MB21D2: variants seen among roughly 807,000 people sequenced by gnomAD.
MB21D2 encodes Mab-21 domain containing 2.
MB21D2 carries 9 observed loss-of-function variants against 33.3 expected under a neutral mutation model. The ratio of observed to expected loss-of-function variants is 0.27; its 90% CI spans 0.16 to 0.47. The LOEUF (loss-of-function observed/expected upper bound fraction) is 0.47. Ranked by LOEUF, MB21D2 falls within the 20% of genes least tolerant of loss-of-function variation. The pLI is 0.99. For missense variants in MB21D2, 540 were observed against 624.6 expected (o/e 0.86, Z 1.44); for synonymous variants, 241 against 236.3 (o/e 1.02, Z -0.18).
At chr3:192,851,817 T>G (rs186331230) in intron 1 of MB21D2, among the ~76,000 whole-genome samples, 1 of 152,242 alleles carries the variant, frequency 6.6e-6, no homozygotes, top group East Asian at 1.9e-4. Flanking sequence ...AAAAGGTTAT[T>G]ATTATTTATC....
intron 1 of MB21D2, among the ~76,000 whole-genome samples, chr3:192,907,412 T>C (rs1714237021): frequency 6.6e-6 from 1 of 152,130 alleles, no homozygotes; most frequent in Non-Finnish European, 1.5e-5. Context: ...GACTATAGAA[T>C]CAACCCCCTC....
chr3:192,812,532 C>T (rs1455866263), intron 1 of MB21D2, among the ~76,000 whole-genome samples: 1 of 152,088 alleles, frequency 6.6e-6, no homozygotes, highest in Non-Finnish European at 1.5e-5. Context: ...ATGAAACTGT[C>T]AGGTGATATA....
chr3:192,891,270 C>A (rs1426922267), intron 1 of MB21D2, among the ~76,000 whole-genome samples: 1 of 152,124 alleles, frequency 6.6e-6, no homozygotes, highest in African/African-American at 2.4e-5. Flanking sequence ...ACATTGAAGG[C>A]CGAAACAGGA....
chr3:192,885,054 A>T (rs1713702946), intron 1 of MB21D2, among the ~76,000 whole-genome samples: 1 of 152,096 alleles, frequency 6.6e-6, no homozygotes, highest in Non-Finnish European at 1.5e-5. Context: ...TAAGAGCAAT[A>T]AATATGACTA....
chr3:192,888,612 C>T (rs1172665385), intron 1 of MB21D2, among the ~76,000 whole-genome samples: 1 of 152,102 alleles, frequency 6.6e-6, no homozygotes, highest in Non-Finnish European at 1.5e-5. Flanking sequence ...TGAATGCCTA[C>T]AGGACAGGGA....
chr3:192,806,033 A>G (rs1301677207), intron 1 of MB21D2, among the ~76,000 whole-genome samples: 2 of 152,258 alleles, frequency 1.3e-5, no homozygotes. Flanking sequence ...GACTGCTGCT[A>G]GTCAAGGCTG....
chr3:192,798,943 T>A lies in MB21D2; in HGVS notation c.919A>T (p.Met307Leu). 1.2e-6 allele frequency: 2 copies of A among 1,613,998 alleles called. No individual in the cohort carries two copies. The highest frequency in any genetic ancestry group is 1.7e-6 in the Non-Finnish European group (2 of 1,179,944). ...QLKKCISSSLMQAYQACKAII... is the reference protein window; with the variant it reads ...QLKKCISSSLLQAYQACKAII... Reference sequence around the variant, plus strand: ...GCTTTGCAGGCCTGATAGGCCTGCATGAGGCTGCTGGAGATGCACTTCTTC... The same window carrying A: ...GCTTTGCAGGCCTGATAGGCCTGCAAGAGGCTGCTGGAGATGCACTTCTTC... The change falls in exon 2 of 2, where the codon ATG (methionine) becomes TTG (leucine). Residue 307 changes from methionine (M) to leucine (L), a missense_variant. Physicochemically the swap from Met to Leu is conservative, Grantham distance 15. Transcript: ENST00000392452. This position sits in a 1 kb window ranked among gnomAD's most constrained non-coding sequence, Gnocchi z 4.8.
At chr3:192,900,643 T>A (rs1331643226) in intron 1 of MB21D2, among the ~76,000 whole-genome samples, 1 of 151,920 alleles carries the variant, frequency 6.6e-6, no homozygotes, top group Non-Finnish European at 1.5e-5. Context: ...TATGGCCCCA[T>A]AGAAGACTTG....
At chr3:192,862,259 G>A (rs2108634282) in intron 1 of MB21D2, among the ~76,000 whole-genome samples, 1 of 152,286 alleles carries the variant, frequency 6.6e-6, no homozygotes, top group South Asian at 2.1e-4. Context: ...TAGACTGGAT[G>A]ATGATTTGAA....
chr3:192,820,778 T>G (rs1338737084), intron 1 of MB21D2, among the ~76,000 whole-genome samples: 2 of 152,298 alleles, frequency 1.3e-5, no homozygotes, highest in East Asian at 3.9e-4. Context: ...CAAATCTTAT[T>G]TTCTGACACA....
At chr3:192,800,893 A>C (rs1479316730) in intron 1 of MB21D2, among the ~76,000 whole-genome samples, 2 of 152,268 alleles carry the variant, frequency 1.3e-5, no homozygotes, top group Non-Finnish European at 2.9e-5. Context: ...TTTATTGCCA[A>C]TGATAAAGCT....
At chr3:192,864,231 C>T (rs1051657814) in intron 1 of MB21D2, among the ~76,000 whole-genome samples, 1 of 152,226 alleles carries the variant, frequency 6.6e-6, no homozygotes, top group African/African-American at 2.4e-5. Context: ...CTTGGCCTAA[C>T]TCTTCCAGAT....
intron 1 of MB21D2, among the ~76,000 whole-genome samples, chr3:192,908,129 T>C (rs991419125): frequency 6.6e-5 from 10 of 152,128 alleles, no homozygotes; most frequent in Non-Finnish European, 1.5e-4. Context: ...TGATAAAGTA[T>C]AACTCAATGG....
At chr3:192,837,805 T>C (rs1238524270) in intron 1 of MB21D2, among the ~76,000 whole-genome samples, 1 of 152,192 alleles carries the variant, frequency 6.6e-6, no homozygotes, top group East Asian at 1.9e-4. Flanking sequence ...ACACACATAT[T>C]ATAGTTGAAA....
At chr3:192,870,725 G>GAAAAAAAAAA (rs1553859981) in intron 1 of MB21D2, among the ~76,000 whole-genome samples, 1 of 75,834 alleles carries the variant, frequency 1.3e-5, no homozygotes, top group African/African-American at 6.3e-5. Flanking sequence ...AAAAAGGAAG[G>GAAAAAAAAAA]AGAGAAGAAG....
At chr3:192,904,635 G>A (rs1714168569) in intron 1 of MB21D2, among the ~76,000 whole-genome samples, 1 of 152,166 alleles carries the variant, frequency 6.6e-6, no homozygotes, top group Non-Finnish European at 1.5e-5. Context: ...GTCAGAAACT[G>A]TGGAAGTGGG....
At chr3:192,870,621 G>A (rs1156758260) in intron 1 of MB21D2, among the ~76,000 whole-genome samples, 1 of 145,218 alleles carries the variant, frequency 6.9e-6, no homozygotes, top group Non-Finnish European at 1.5e-5. Flanking sequence ...TGAGGCAGGA[G>A]AATCACTGGA....
chr3:192,917,787 G>C lies in MB21D2; in HGVS notation c.54C>G (p.Asn18Lys). 1 of 1,613,542 alleles carries C rather than the reference G, an allele frequency of 6.2e-7. No homozygotes were observed. Among genetic ancestry groups the C allele is most frequent in the Non-Finnish European group, 8.5e-7 (1 of 1,180,022 alleles). The stretch of plus-strand genomic sequence containing the variant: ...AATCCAGCTCCGGGAACGCAGGCTT[G>C]TTGTTACAGCCCAGGGAGGCTGCCT... ...ANKAASLGCN[N>K]KPAFPELDFR... is the part of the protein sequence containing the mutation. The change falls in exon 1 of 2, where the codon AAC becomes AAG. Residue 18 changes from asparagine (N) to lysine (K), a missense_variant. Transcript: ENST00000392452.
intron 1 of MB21D2, among the ~76,000 whole-genome samples, chr3:192,823,854 A>T (rs557035261): frequency 2.9e-4 from 44 of 152,332 alleles, no homozygotes; most frequent in African/African-American, 9.4e-4. Context: ...AAAAAAATTT[A>T]AACTGTGGAA....
Sources: gnomAD v4.1 joint callset for allele counts (sites outside exome capture counted in the v4.1 genomes callset) on GRCh38, gnomAD v4.1.1 for gene constraint, Gnocchi (gnomAD v3.1) non-coding constraint, MANE v1.5 for transcripts, NCBI Gene and HGNC (gene_info 2026-07-23, HGNC 2026-07-21) for gene names.